The following CPEB4 variants were observed in gnomAD, a reference collection of about 807,000 sequenced individuals.
CPEB4 encodes the protein cytoplasmic polyadenylation element-binding protein 4.
Under a neutral mutation model 72.5 loss-of-function variants are expected in CPEB4, and 12 were observed. The observed-to-expected ratio is 0.17, with a 90% CI of 0.11 to 0.27. The LOEUF (loss-of-function observed/expected upper bound fraction) is 0.27, where lower values mean the gene tolerates loss of function less well. CPEB4 is among the 10% of genes least tolerant of loss of function. CPEB4 has a pLI of 1.00. For missense variants in CPEB4, 614 were observed against 908.5 expected (o/e 0.68, Z 4.17); for synonymous variants, 302 against 326.3 (o/e 0.93, Z 0.80).
intron 1 of CPEB4, among the ~76,000 whole-genome samples, chr5:173,906,533 A>G (rs1756441978): frequency 6.6e-6 from 1 of 152,196 alleles, no homozygotes; most frequent in African/African-American, 2.4e-5. Flanking sequence ...TACATATTAG[A>G]CTAGGTTTGG....
chr5:173,940,424 G>C (rs937445713), intron 3 of CPEB4, among the ~76,000 whole-genome samples: 1 of 152,196 alleles, frequency 6.6e-6, no homozygotes, highest in Non-Finnish European at 1.5e-5. Flanking sequence ...AAATCTGTCT[G>C]ACATTTTCCT....
At position 173,944,952 on chromosome 5, in the gene CPEB4, T is replaced by G; in HGVS notation, c.1283-15T>G. ...ACATTTTCTGTTACCGTTTTTTCCC[T>G]GCTTTCTATTCCAGGTCAGTCTTCA... On this transcript the variant is annotated splice_polypyrimidine_tract_variant and intron_variant, in intron 4 of 9. Coordinates refer to ENST00000265085, the MANE Select transcript of CPEB4 (RefSeq NM_030627.4). The G allele has an allele frequency of 6.3e-7, 1 of 1,590,084 alleles. No individual in the cohort carries two copies. Among genetic ancestry groups the G allele is most frequent in the Non-Finnish European group, 8.6e-7 (1 of 1,163,786 alleles).
intron 3 of CPEB4, among the ~76,000 whole-genome samples, chr5:173,933,130 C>CA (rs1237436261): frequency 1.3e-5 from 2 of 152,152 alleles, no homozygotes; most frequent in Non-Finnish European, 2.9e-5. Context: ...TGGTCTAAAA[C>CA]AATTGGGTGA....
intron 2 of CPEB4, among the ~76,000 whole-genome samples, chr5:173,913,198 CT>C (rs201042615): frequency 5.9e-3 from 820 of 138,996 alleles, no homozygotes; most frequent in Non-Finnish European, 5.9e-3. Context: ...ACACATTATT[CT>C]TTTTTTTTTT....
chr5:173,952,076 A>G (rs1376732990), intron 8 of CPEB4, 138 bp downstream of exon 8: 3 of 635,820 alleles, frequency 4.7e-6, no homozygotes, highest in Non-Finnish European at 8.5e-6. Flanking sequence ...GTTTGAATTC[A>G]TGTGTTCTAA....
intron 7 of CPEB4, among the ~76,000 whole-genome samples, chr5:173,951,419 A>G (rs898593684): frequency 2.0e-5 from 3 of 152,232 alleles, no homozygotes; most frequent in Non-Finnish European, 2.9e-5. Context: ...TTTCCTAGAC[A>G]TACACTGATT....
chr5:173,912,767 C>T (rs1334343966), intron 2 of CPEB4, among the ~76,000 whole-genome samples: 1 of 149,120 alleles, frequency 6.7e-6, no homozygotes, highest in African/African-American at 2.5e-5. Flanking sequence ...GACCTGGTCT[C>T]TACAAACATT....
In CPEB4 at chr5:173,950,813, C is replaced by T. The variant is rs187461868; in HGVS notation, c.1665+735C>T. 9.9e-5 allele frequency among the ~76,000 whole-genome samples: 15 copies of T among 152,224 alleles called. No individual in the cohort carries two copies. Among genetic ancestry groups the T allele is most frequent in the South Asian group, 8.3e-4 (4 of 4,812 alleles). On this transcript the variant is annotated intron_variant, in intron 7 of 9. Transcript: ENST00000265085. The surrounding 1 kb of genome is among the most constrained non-coding windows in gnomAD (Gnocchi z 5.0). ...TGGTACTCTCCAAAGTAGACTGAAT[C>T]GTGTATATACATGTACAGGTACATT...
Position 173,956,190 on chromosome 5 carries a change from T to G in CPEB4, c.*53T>G. 2 of 1,430,652 alleles carry G rather than the reference T, an allele frequency of 1.4e-6. No individual in the cohort carries two copies. Among genetic ancestry groups the G allele is most frequent in the Non-Finnish European group, 2.0e-6 (2 of 1,015,986 alleles). The allele number at this position is 1,430,652 out of a possible 1,614,324, so 88.6% of individuals were successfully genotyped here. A position where few individuals can be genotyped will look rare whatever the true frequency, so the allele number is the denominator to read the frequency against. ...CCTCAGAATAAGTGCACTCTTCTGT[T>G]CATTCTGACCCCTTCCTCAACCTCT... On this transcript the variant is annotated 3_prime_UTR_variant, in exon 10 of 10. Transcript: ENST00000265085.
chr5:173,919,492 T>TAGTG (rs1756999770), intron 2 of CPEB4, among the ~76,000 whole-genome samples: 1 of 152,250 alleles, frequency 6.6e-6, no homozygotes, highest in African/African-American at 2.4e-5. Context: ...GCACCTTTAA[T>TAGTG]AGTGTCACTT....
chr5:173,902,252 G>T (rs936252494), intron 1 of CPEB4, among the ~76,000 whole-genome samples: 3 of 152,042 alleles, frequency 2.0e-5, no homozygotes, highest in African/African-American at 4.8e-5. Flanking sequence ...CTTTACCAGG[G>T]AAAGTTTAAG....
At chr5:173,929,621 G>A (rs1200382818) in intron 2 of CPEB4, among the ~76,000 whole-genome samples, 1 of 152,088 alleles carries the variant, frequency 6.6e-6, no homozygotes, top group African/African-American at 2.4e-5. Flanking sequence ...GATCACTTAA[G>A]CCTGGGAGGT....
At position 173,890,249 on chromosome 5, in the gene CPEB4, A is replaced by G. The variant is rs1755758257; in HGVS notation, c.516A>G (p.Ser172=). ...ASSLTGFSNW[S]AAIAPSSSTI... is the part of the protein sequence containing the mutation. ...CTCTTACTGGTTTCAGTAACTGGTC[A>G]GCAGCGATAGCGCCTTCCTCCTCTA... is the stretch of plus-strand genomic sequence containing the variant. Residue 172 remains serine, a synonymous_variant, in exon 1 of 10, where the codon TCA becomes TCG. Coordinates refer to ENST00000265085, the MANE Select transcript of CPEB4 (RefSeq NM_030627.4). The G allele has an allele frequency of 6.2e-7, 1 of 1,614,138 alleles. No individual in the cohort carries two copies. Among genetic ancestry groups the G allele is most frequent in the Non-Finnish European group, 8.5e-7 (1 of 1,180,004 alleles).
chr5:173,910,721 CT>C (rs1756626561), intron 2 of CPEB4, 117 bp downstream of exon 2: 1 of 690,418 alleles, frequency 1.4e-6, no homozygotes, highest in Non-Finnish European at 2.5e-6. Context: ...GCAGTAAGTT[CT>C]ATCAATTTTA....
intron 1 of CPEB4, among the ~76,000 whole-genome samples, chr5:173,899,577 C>T (rs17076676): frequency 0.3 from 45,381 of 151,854 alleles, 7,160 homozygotes; most frequent in South Asian, 0.48. Context: ...GCTAGTGATT[C>T]GAAATTTGGG....
At chr5:173,914,883 TC>T (rs1348214134) in intron 2 of CPEB4, among the ~76,000 whole-genome samples, 1 of 152,224 alleles carries the variant, frequency 6.6e-6, no homozygotes, top group Non-Finnish European at 1.5e-5. Context: ...ACTTTAATAA[TC>T]TTAAAAATAA....
At chr5:173,930,785 G>A (rs955347720) in intron 2 of CPEB4, among the ~76,000 whole-genome samples, 1 of 151,958 alleles carries the variant, frequency 6.6e-6, no homozygotes, top group Non-Finnish European at 1.5e-5. Context: ...TCAGGAGATT[G>A]AGACCATCCT....
chr5:173,896,988 G>C (rs936694632), intron 1 of CPEB4, among the ~76,000 whole-genome samples: 6 of 152,158 alleles, frequency 3.9e-5, no homozygotes, highest in African/African-American at 1.2e-4. Flanking sequence ...ATATTAGGTT[G>C]ATTAACTTTT....
chr5:173,953,071 C>T lies in CPEB4; in HGVS notation c.1781-20C>T, dbSNP rs2113301903. 6.3e-7 allele frequency: 1 copy of T among 1,578,146 alleles called. No homozygotes were observed. The highest frequency in any genetic ancestry group is 1.1e-5 in the South Asian group (1 of 87,028). On this transcript the variant is annotated intron_variant, in intron 8 of 9. Transcript: ENST00000265085. ...AATTTTCCTGATTTTAAATATCCTC[C>T]TTGTTCCTTTCTTAATTAGTGGAGC...
Sources: allele counts gnomAD v4.1 joint callset (sites outside exome capture counted in the v4.1 genomes callset), GRCh38; gene constraint gnomAD v4.1.1; non-coding constraint Gnocchi (gnomAD v3.1); transcripts MANE v1.5; gene names NCBI Gene and HGNC (gene_info 2026-07-23, HGNC 2026-07-21).